Variants in SP100 observed in about 807,000 individuals in gnomAD.
SP100 encodes nuclear autoantigen Sp-100.
Under a neutral mutation model 130.0 loss-of-function variants are expected in SP100, and 84 were observed. That is an observed-to-expected ratio of 0.65 (90% CI 0.54 to 0.77). SP100 has a LOEUF of 0.77. SP100 is among the 30% of genes least tolerant of loss of function. The pLI, the probability that SP100 is intolerant of heterozygous loss-of-function variation, is 0.00. For missense variants in SP100, 978 were observed against 1,052.2 expected (o/e 0.93, Z 0.97); for synonymous variants, 331 against 351.7 (o/e 0.94, Z 0.66).
chr2:230,494,494 C>G, intron 18 of SP100, 34 bp downstream of exon 18: 2 of 1,529,726 alleles, frequency 1.3e-6, no homozygotes, highest in Non-Finnish European at 1.8e-6. Context: ...CTCCTTTGAA[C>G]TCGCTGTGGT....
In SP100 at chr2:230,441,856, A is replaced by C. The variant is rs532623003; in HGVS notation, c.108-1081A>C. Among the ~76,000 whole-genome samples, 3 of 152,268 alleles carry C rather than the reference A, an allele frequency of 2.0e-5. No homozygotes were observed. In the South Asian group the frequency reaches 6.2e-4, roughly 32 times the overall value. On this transcript the variant is annotated intron_variant, in intron 2 of 28. Coordinates refer to ENST00000340126, the MANE Select transcript of SP100 (RefSeq NM_001080391.2). ...TTGTTTCTTACAAATTCTGTAGGGCACCATGATTCCTAACCTCTGAAAGCA... is the reference window on the plus strand; with the variant it reads ...TTGTTTCTTACAAATTCTGTAGGGCCCCATGATTCCTAACCTCTGAAAGCA...
At chr2:230,438,698 A>ATATATGTGTATACATG (rs2063377483) in intron 2 of SP100, among the ~76,000 whole-genome samples, 1 of 148,098 alleles carries the variant, frequency 6.8e-6, no homozygotes, top group Admixed American at 6.8e-5. Flanking sequence ...TATGGTATAT[A>ATATATGTGTATACATG]TATATGTGTA....
At chr2:230,447,732 AC>A (rs1254833597) in intron 5 of SP100, among the ~76,000 whole-genome samples, 4 of 152,232 alleles carry the variant, frequency 2.6e-5, no homozygotes, top group Non-Finnish European at 4.4e-5. Flanking sequence ...GTGTTTGCCA[AC>A]CCAGAAGATT....
intron 22 of SP100, chr2:230,507,300 T>G (rs528764725): frequency 5.3e-5 from 8 of 152,358 alleles, no homozygotes; most frequent in African/African-American, 1.7e-4. Flanking sequence ...AGGTCAATAC[T>G]TTCCTGCTGA....
At chr2:230,476,257 T>C (rs147957592) in intron 17 of SP100, among the ~76,000 whole-genome samples, 4 of 152,346 alleles carry the variant, frequency 2.6e-5, no homozygotes, top group Non-Finnish European at 5.9e-5. Flanking sequence ...TTTCACCTCC[T>C]TGGCTGGATG....
chr2:230,465,128 C>G (rs752738178), intron 11 of SP100, among the ~76,000 whole-genome samples: 1 of 152,022 alleles, frequency 6.6e-6, no homozygotes, highest in Non-Finnish European at 1.5e-5. Context: ...CCCAGCCACT[C>G]GGGAGGCTGA....
intron 19 of SP100, among the ~76,000 whole-genome samples, chr2:230,501,443 G>A (rs2067017003): frequency 6.6e-6 from 1 of 152,132 alleles, no homozygotes; most frequent in Non-Finnish European, 1.5e-5. Flanking sequence ...TGAATTATCA[G>A]TAAATGTCTG....
chr2:230,449,852 T>C (rs2063887104), intron 7 of SP100, 142 bp downstream of exon 7: 1 of 881,140 alleles, frequency 1.1e-6, no homozygotes, highest in South Asian at 1.6e-5. Context: ...GGGCCTGTTA[T>C]ACAGATGAGC....
rs376192335 is a variant in SP100, at chr2:230,508,311, C to T, written c.2052+280C>T. The T allele has an allele frequency of 4.3e-4, 64 of 148,172 alleles. 2 individuals carry two copies. Among genetic ancestry groups the T allele is most frequent in the South Asian group, 1.2e-3 (8 of 6,412 alleles). The allele number at this position is 148,172 out of a possible 1,614,324, so 9.2% of individuals were successfully genotyped here. A position where few individuals can be genotyped will look rare whatever the true frequency, so the allele number is the denominator to read the frequency against. The stretch of plus-strand genomic sequence containing the variant: ...TTTAGTAAAGGAGCTAAATGCCATA[C>T]TTTTTTTTTTTTTTTTTTTTAAGAG... On this transcript the variant is annotated intron_variant, in intron 23 of 28. Transcript: ENST00000340126.
At chr2:230,542,771 C>T (rs1038958218) in intron 28 of SP100, 65 bp from the exon 29 acceptor site, 2 of 912,272 alleles carry the variant, frequency 2.2e-6, no homozygotes, top group Non-Finnish European at 3.6e-6. Context: ...CCCAGATTAT[C>T]TGCAACACTG....
At chr2:230,518,032 GTT>G (rs879478457) in intron 24 of SP100, among the ~76,000 whole-genome samples, 29 of 151,996 alleles carry the variant, frequency 1.9e-4, no homozygotes, top group Non-Finnish European at 4.1e-4. Flanking sequence ...GACTTAGACT[GTT>G]TGCGAAACGC....
chr2:230,422,068 C>T (rs1490275904), intron 2 of SP100, among the ~76,000 whole-genome samples: 1 of 151,894 alleles, frequency 6.6e-6, no homozygotes, highest in East Asian at 1.9e-4. Context: ...TTGAATCTAA[C>T]TTCTATGACA....
chr2:230,540,913 A>C lies in SP100; in HGVS notation c.2248A>C (p.Ile750Leu). Residue 750 changes from isoleucine to leucine, a missense_variant, in exon 26 of 29, where the codon ATT becomes CTT. Transcript: ENST00000340126. ...TTGCATCTTCTGCAGGATAAAGACT[A>C]TTCAGGAAAGATGCCCAGAAAGCCA... is the stretch of plus-strand genomic sequence containing the variant. ...WSCIFCRIKT[I>L]QERCPESQSG... The C allele has an allele frequency of 6.2e-7, 1 of 1,613,756 alleles. No individual in the cohort carries two copies. The highest frequency in any genetic ancestry group is 1.3e-5 in the African/African-American group (1 of 75,014).
At chr2:230,467,812 A>G (rs2065039861) in intron 13 of SP100, among the ~76,000 whole-genome samples, 1 of 152,250 alleles carries the variant, frequency 6.6e-6, no homozygotes, top group Admixed American at 6.5e-5. Flanking sequence ...TATTGGATTT[A>G]TGTAGTGATT....
intron 2 of SP100, among the ~76,000 whole-genome samples, chr2:230,420,434 CTGAATAG>C (rs2062735549): frequency 6.6e-6 from 1 of 152,084 alleles, no homozygotes; most frequent in Non-Finnish European, 1.5e-5. Flanking sequence ...CAGTGTAATA[CTGAATAG>C]TAACAGTAAA....
chr2:230,510,619 T>C (rs1205063460), intron 23 of SP100: 8 of 40,076 alleles, frequency 2.0e-4, no homozygotes, highest in Non-Finnish European at 3.9e-4. Flanking sequence ...CAAGCGATTC[T>C]CCTCCCTCAG....
chr2:230,437,550 T>A (rs1026205133), intron 2 of SP100, among the ~76,000 whole-genome samples: 1 of 152,116 alleles, frequency 6.6e-6, no homozygotes, highest in African/African-American at 2.4e-5. Flanking sequence ...TTTTCTTTGT[T>A]TTTTTTGTTT....
intron 21 of SP100, among the ~76,000 whole-genome samples, chr2:230,505,330 A>C (rs1690000962): frequency 1.3e-5 from 2 of 152,224 alleles, no homozygotes; most frequent in Non-Finnish European, 2.9e-5. Flanking sequence ...TTGGGTGGAA[A>C]ATGTACACAT....
chr2:230,476,278 G>GA (rs2065544355), intron 17 of SP100, among the ~76,000 whole-genome samples: 1 of 152,014 alleles, frequency 6.6e-6, no homozygotes, highest in African/African-American at 2.4e-5. Flanking sequence ...AATTCCTAGG[G>GA]ATCTCATTTT....
Sources: allele counts gnomAD v4.1 joint callset (sites outside exome capture counted in the v4.1 genomes callset), GRCh38; gene constraint gnomAD v4.1.1; transcripts MANE v1.5; gene names NCBI Gene and HGNC (gene_info 2026-07-23, HGNC 2026-07-21).